The following CSMD1 variants were observed in gnomAD, a reference collection of about 807,000 sequenced individuals.
CSMD1 encodes CUB and sushi domain-containing protein 1.
Under a neutral mutation model 417.5 loss-of-function variants are expected in CSMD1, and 213 were observed. The observed-to-expected ratio is 0.51, with a 90% CI of 0.46 to 0.57. CSMD1 has a LOEUF of 0.57. Ranked by LOEUF, CSMD1 falls within the 20% of genes least tolerant of loss-of-function variation. CSMD1 has a pLI of 0.00. For synonymous variants in CSMD1, 2,862 were observed against 1,736.8 expected (o/e 1.65, Z -16.11); for missense variants, 6,923 against 4,529.7 (o/e 1.53, Z -15.17).
intron 1 of CSMD1, among the ~76,000 whole-genome samples, chr8:4,698,598 A>ATTTTTTTTTTTT (rs3990377): frequency 6.9e-6 from 1 of 145,866 alleles, no homozygotes; most frequent in Non-Finnish European, 1.5e-5. Flanking sequence ...AATGATAGAA[A>ATTTTTTTTTTTT]TTTTTTTTTT....
intron 3 of CSMD1, among the ~76,000 whole-genome samples, chr8:4,177,576 A>C (rs371970438): frequency 6.6e-6 from 1 of 151,718 alleles, no homozygotes. Context: ...AAATAACTAA[A>C]ATCAGAGCAG....
At chr8:4,380,665 G>A (rs1020026672) in intron 3 of CSMD1, among the ~76,000 whole-genome samples, 4 of 152,100 alleles carry the variant, frequency 2.6e-5, no homozygotes, top group African/African-American at 7.2e-5. Context: ...ATTAATTGTG[G>A]CAAATGGACC....
At chr8:4,977,159 T>A (rs73497751) in intron 1 of CSMD1, among the ~76,000 whole-genome samples, 6,301 of 152,284 alleles carry the variant, frequency 0.041, 394 homozygotes, top group African/African-American at 0.14. Context: ...TCATTTGTTT[T>A]GAACTTTTCC....
intron 3 of CSMD1, among the ~76,000 whole-genome samples, chr8:4,306,322 T>C (rs957977208): frequency 7.2e-5 from 11 of 152,190 alleles, no homozygotes; most frequent in Non-Finnish European, 1.0e-4. Flanking sequence ...GCTCGATCCT[T>C]CCATCATCAC....
At chr8:4,098,873 T>A (rs1196678215) in intron 3 of CSMD1, among the ~76,000 whole-genome samples, 2 of 152,190 alleles carry the variant, frequency 1.3e-5, no homozygotes, top group Non-Finnish European at 2.9e-5. Context: ...TTTATTCCCG[T>A]CCAGAAAGCA....
Position 3,387,695 on chromosome 8 carries a change from A to G in CSMD1, c.2594-13T>C. 1 of 1,583,506 alleles carries G rather than the reference A, an allele frequency of 6.3e-7. No individual in the cohort carries two copies. Among genetic ancestry groups the G allele is most frequent in the Non-Finnish European group, 8.6e-7 (1 of 1,163,976 alleles). ...TCAAGCGTCACACCTGGATGCACAGAACGAATGCAGTCGATGAGGATCTTT... is the reference window on the plus strand; with the variant it reads ...TCAAGCGTCACACCTGGATGCACAGGACGAATGCAGTCGATGAGGATCTTT... On this transcript the variant is annotated splice_polypyrimidine_tract_variant and intron_variant, in intron 17 of 69. Transcript: ENST00000635120.
intron 7 of CSMD1, among the ~76,000 whole-genome samples, chr8:3,623,411 C>G (rs1396432188): frequency 1.3e-5 from 2 of 151,962 alleles, no homozygotes; most frequent in Non-Finnish European, 2.9e-5. Context: ...AAGCAAGTGT[C>G]TGAAAAGAAG....
intron 5 of CSMD1, among the ~76,000 whole-genome samples, chr8:3,893,883 T>A (rs946025503): frequency 6.6e-6 from 1 of 152,062 alleles, no homozygotes; most frequent in African/African-American, 2.4e-5. Context: ...GGTTGGAGAT[T>A]TAAGATGTTA....
In CSMD1 at chr8:3,998,098, C is replaced by G. The variant is rs1421484231; in HGVS notation, c.623G>C (p.Cys208Ser). ...PAPFCRAEGA[C>S]GGTLRGTSSS... Reference sequence around the variant, plus strand: ...GCTGGTCCCGCGTAAGGTTCCTCCGCAGGCTCCCTCAGCTGCAGGGGCAAA... The same window carrying G: ...GCTGGTCCCGCGTAAGGTTCCTCCGGAGGCTCCCTCAGCTGCAGGGGCAAA... Residue 208 changes from cysteine (C) to serine (S), a missense_variant, in exon 5 of 70, where the codon TGC (cysteine) becomes TCC (serine). Cys to Ser is a moderately radical substitution (Grantham distance 112). Transcript: ENST00000635120. 2 of 1,568,476 alleles carry G rather than the reference C, an allele frequency of 1.3e-6. No homozygotes were observed. Among genetic ancestry groups the G allele is most frequent in the Non-Finnish European group, 1.7e-6 (2 of 1,155,748 alleles).
intron 12 of CSMD1, among the ~76,000 whole-genome samples, chr8:3,417,373 C>A (rs1238451484): frequency 6.6e-6 from 1 of 152,154 alleles, no homozygotes; most frequent in Non-Finnish European, 1.5e-5. Context: ...TTTTATCTCC[C>A]AAAATAGCAG....
At chr8:4,382,694 C>G (rs6997939) in intron 3 of CSMD1, among the ~76,000 whole-genome samples, 63,585 of 152,010 alleles carry the variant, frequency 0.42, 14,613 homozygotes, top group African/African-American at 0.63. Context: ...AATTAAGATA[C>G]ATTTGAATTT....
intron 1 of CSMD1, among the ~76,000 whole-genome samples, chr8:4,882,858 G>C (rs147719459): frequency 2.6e-5 from 4 of 152,078 alleles, no homozygotes; most frequent in East Asian, 1.9e-4. Flanking sequence ...TTGGGATTAA[G>C]ACTTTGAAGG....
At chr8:3,927,573 G>T (rs1315171673) in intron 5 of CSMD1, among the ~76,000 whole-genome samples, 1 of 149,614 alleles carries the variant, frequency 6.7e-6, no homozygotes, top group Admixed American at 6.7e-5. Context: ...GCTGAGGCAG[G>T]AGAATCGCTT....
At chr8:3,355,433 T>C (rs1210582762) in intron 21 of CSMD1, among the ~76,000 whole-genome samples, 1 of 152,194 alleles carries the variant, frequency 6.6e-6, no homozygotes, top group Non-Finnish European at 1.5e-5. Flanking sequence ...GTTTTTGTTA[T>C]TATTCAAAAG....
chr8:3,747,116 T>C (rs566093058), intron 6 of CSMD1, among the ~76,000 whole-genome samples: 84 of 152,328 alleles, frequency 5.5e-4, no homozygotes, highest in African/African-American at 2.0e-3. Context: ...AGAAACACAG[T>C]TGTAAAGACT....
At chr8:2,997,763 T>C (rs1442204875) in intron 54 of CSMD1, among the ~76,000 whole-genome samples, 2 of 152,082 alleles carry the variant, frequency 1.3e-5, no homozygotes, top group African/African-American at 2.4e-5. Context: ...AAAAGAGAAA[T>C]AGAAGATGAG....
At chr8:3,966,132 T>A (rs1812665064) in intron 5 of CSMD1, among the ~76,000 whole-genome samples, 1 of 152,210 alleles carries the variant, frequency 6.6e-6, no homozygotes, top group African/African-American at 2.4e-5. Flanking sequence ...CTCCCATCCA[T>A]GCTACTTATA....
At chr8:4,825,587 C>T (rs1321692797) in intron 1 of CSMD1, among the ~76,000 whole-genome samples, 1 of 140,918 alleles carries the variant, frequency 7.1e-6, no homozygotes, top group African/African-American at 2.7e-5. Context: ...CAAGTGGGAT[C>T]AAAAAGCACA....
intron 7 of CSMD1, among the ~76,000 whole-genome samples, chr8:3,660,893 G>A (rs189740848): frequency 3.3e-5 from 5 of 152,204 alleles, no homozygotes; most frequent in Admixed American, 3.3e-4. Flanking sequence ...CAGATTTTTT[G>A]TATACACAGC....
Sources: allele counts gnomAD v4.1 joint callset (sites outside exome capture counted in the v4.1 genomes callset), GRCh38; gene constraint gnomAD v4.1.1; transcripts MANE v1.5; gene names NCBI Gene and HGNC (gene_info 2026-07-23, HGNC 2026-07-21).